MYO3B: variants seen among roughly 807,000 people sequenced by gnomAD.
MYO3B encodes myosin IIIB.
Under a neutral mutation model 174.6 loss-of-function variants are expected in MYO3B, and 156 were observed. The observed-to-expected ratio is 0.89, with a 90% confidence interval of 0.78 to 1.02. MYO3B has a LOEUF of 1.02. MYO3B is among the 50% of genes least tolerant of loss of function. MYO3B has a pLI of 0.00. For missense variants in MYO3B, 1,632 were observed against 1,639.4 expected (o/e 1.00, Z 0.08); for synonymous variants, 563 against 569.1 (o/e 0.99, Z 0.15).
intron 1 of MYO3B, among the ~76,000 whole-genome samples, chr2:170,189,419 T>C (rs2092511975): frequency 6.6e-6 from 1 of 152,130 alleles, no homozygotes; most frequent in South Asian, 2.1e-4. Flanking sequence ...ATTCTACCCC[T>C]TTCTCTCTTT....
chr2:170,334,925 A>G (rs1477543038), intron 7 of MYO3B: 1 of 153,766 alleles, frequency 6.5e-6, no homozygotes, highest in Non-Finnish European at 1.4e-5. Flanking sequence ...AAATGTGACT[A>G]TGAATTTATG....
At chr2:170,337,173 G>A (rs1438194062) in intron 8 of MYO3B, among the ~76,000 whole-genome samples, 1 of 151,958 alleles carries the variant, frequency 6.6e-6, no homozygotes, top group South Asian at 2.1e-4. Flanking sequence ...CAGAGGTTTG[G>A]GACCCAAAAG....
chr2:170,465,453 C>T (rs906807511), intron 24 of MYO3B, among the ~76,000 whole-genome samples: 1 of 152,156 alleles, frequency 6.6e-6, no homozygotes, highest in Non-Finnish European at 1.5e-5. Context: ...GGAATTTGCC[C>T]CATGACCCAA....
intron 6 of MYO3B, 70 bp from the exon 7 acceptor site, chr2:170,235,921 C>A: frequency 6.3e-7 from 1 of 1,596,846 alleles, no homozygotes; most frequent in Non-Finnish European, 8.5e-7. Flanking sequence ...CTAAGATCAG[C>A]CCAGGGCCTT....
At chr2:170,224,849 G>A (rs2105390399) in intron 6 of MYO3B, among the ~76,000 whole-genome samples, 1 of 152,308 alleles carries the variant, frequency 6.6e-6, no homozygotes, top group East Asian at 1.9e-4. Context: ...AAGGGTCGTT[G>A]ACAAGGGACG....
intron 32 of MYO3B, among the ~76,000 whole-genome samples, chr2:170,570,673 G>C (rs10187548): frequency 6.6e-6 from 1 of 152,016 alleles, no homozygotes; most frequent in Admixed American, 6.5e-5. Flanking sequence ...TAAGGCCAGC[G>C]GGGCTGATTT....
chr2:170,287,979 G>C (rs912947527), intron 7 of MYO3B, among the ~76,000 whole-genome samples: 1 of 151,898 alleles, frequency 6.6e-6, no homozygotes, highest in African/African-American at 2.4e-5. Flanking sequence ...TGAAAAGACC[G>C]TCCTTTCCCC....
chr2:170,459,178 T>G (rs893036586), intron 23 of MYO3B, among the ~76,000 whole-genome samples: 4 of 152,172 alleles, frequency 2.6e-5, no homozygotes, highest in Admixed American at 6.5e-5. Flanking sequence ...TTCCACAGCG[T>G]GGAAAGGGAC....
At chr2:170,353,194 G>T (rs2094090487) in intron 8 of MYO3B, among the ~76,000 whole-genome samples, 1 of 152,178 alleles carries the variant, frequency 6.6e-6, no homozygotes, top group African/African-American at 2.4e-5. Flanking sequence ...GTAAACTCTG[G>T]TATATCCAGA....
intron 27 of MYO3B, among the ~76,000 whole-genome samples, chr2:170,500,111 T>A (rs1460268008): frequency 3.3e-5 from 5 of 152,162 alleles, no homozygotes; most frequent in Non-Finnish European, 5.9e-5. Flanking sequence ...TCCTGAAGAT[T>A]TGATAATTTG....
intron 32 of MYO3B, among the ~76,000 whole-genome samples, chr2:170,581,246 TG>T (rs1693131072): frequency 6.6e-6 from 1 of 152,256 alleles, no homozygotes; most frequent in Admixed American, 6.5e-5. Flanking sequence ...TCGCTTTTTT[TG>T]CTTGTCTCTG....
chr2:170,221,341 G>GT (rs1559311272), intron 6 of MYO3B, among the ~76,000 whole-genome samples: 2 of 152,098 alleles, frequency 1.3e-5, no homozygotes, highest in Admixed American at 1.3e-4. Flanking sequence ...GAACCAAATT[G>GT]TTTTTTCCCT....
chr2:170,235,656 G>A (rs1410486929), intron 6 of MYO3B, among the ~76,000 whole-genome samples: 1 of 152,222 alleles, frequency 6.6e-6, no homozygotes, highest in Admixed American at 6.5e-5. Context: ...GTAATGAGGT[G>A]AAGGATGTAG....
Position 170,219,567 on chromosome 2 carries a change from C to A in MYO3B, c.603+2172C>A, listed in dbSNP as rs538841072. Among the ~76,000 whole-genome samples, 40 of 151,944 alleles carry A rather than the reference C, an allele frequency of 2.6e-4. No individual in the cohort carries two copies. The South Asian group carries it at 8.3e-3, about 32-fold the overall frequency. On this transcript the variant is annotated intron_variant, in intron 6 of 34. Coordinates refer to ENST00000408978, the MANE Select transcript of MYO3B (RefSeq NM_138995.5). ...GTTGAGGCAGGAGAATTGTTTGAAC[C>A]CGGGAGGCAGAGGTTGCAGTGAGCA... is the stretch of plus-strand genomic sequence containing the variant.
At chr2:170,533,463 A>G (rs867519139) in intron 30 of MYO3B, among the ~76,000 whole-genome samples, 53 of 151,846 alleles carry the variant, frequency 3.5e-4, no homozygotes, top group African/African-American at 1.1e-3. Context: ...AACATCCTCC[A>G]GTTACAGCAT....
chr2:170,581,138 G>T (rs115846778), intron 32 of MYO3B, among the ~76,000 whole-genome samples: 3,587 of 152,182 alleles, frequency 0.024, 66 homozygotes, highest in East Asian at 0.047. Context: ...ACTCATACCA[G>T]CAGACTGATG....
At chr2:170,430,315 C>T (rs892158562) in intron 22 of MYO3B, among the ~76,000 whole-genome samples, 2 of 151,660 alleles carry the variant, frequency 1.3e-5, no homozygotes, top group African/African-American at 4.8e-5. Flanking sequence ...AGATCATCTA[C>T]AGGTTTTCAA....
intron 30 of MYO3B, among the ~76,000 whole-genome samples, chr2:170,522,804 CT>C (rs1008577342): frequency 6.6e-5 from 10 of 152,212 alleles, no homozygotes; most frequent in African/African-American, 2.4e-4. Flanking sequence ...TATCATATCC[CT>C]TTCCTCCATG....
chr2:170,562,556 A>G (rs1376492537), intron 32 of MYO3B, among the ~76,000 whole-genome samples: 1 of 152,234 alleles, frequency 6.6e-6, no homozygotes, highest in Non-Finnish European at 1.5e-5. Flanking sequence ...GGTTCCAGGC[A>G]GTCAATTAGC....
Sources: gnomAD v4.1 joint callset for allele counts (sites outside exome capture counted in the v4.1 genomes callset) on GRCh38, gnomAD v4.1.1 for gene constraint, MANE v1.5 for transcripts, NCBI Gene and HGNC (gene_info 2026-07-23, HGNC 2026-07-21) for gene names.